The following SDK1 variants were observed in gnomAD, a reference collection of about 807,000 sequenced individuals.
SDK1 encodes sidekick cell adhesion molecule 1.
A neutral mutation model predicts 245.5 loss-of-function variants in SDK1; 157 were observed. That is an observed-to-expected ratio of 0.64 (90% CI 0.56 to 0.73). The LOEUF is 0.73. Ranked by LOEUF, SDK1 falls within the 30% of genes least tolerant of loss-of-function variation. The pLI, the probability that SDK1 is intolerant of heterozygous loss-of-function variation, is 0.00. For synonymous variants in SDK1, 1,647 were observed against 1,278.5 expected, an observed-to-expected ratio of 1.29 and a Z score of -6.15; for missense variants, 3,583 against 3,002.3, an observed-to-expected ratio of 1.19 and a Z score of -4.52.
At chr7:4,011,243 C>A (rs112090181) in intron 15 of SDK1, 130 bp downstream of exon 15, 6 of 1,181,166 alleles carry the variant, frequency 5.1e-6, no homozygotes, top group African/African-American at 3.0e-5. Flanking sequence ...CGGGACAAAC[C>A]GTGAGCAGAA....
At chr7:3,654,373 G>C (rs993096476) in intron 4 of SDK1, among the ~76,000 whole-genome samples, 1 of 152,168 alleles carries the variant, frequency 6.6e-6, no homozygotes, top group Non-Finnish European at 1.5e-5. Context: ...GACTGCTGAT[G>C]AGCTCCCTGT....
chr7:3,851,654 G>T (rs912799695), intron 5 of SDK1, among the ~76,000 whole-genome samples: 2 of 151,842 alleles, frequency 1.3e-5, no homozygotes, highest in East Asian at 1.9e-4. Flanking sequence ...ACTGGCATTG[G>T]GCGGCTTGAT....
intron 22 of SDK1, among the ~76,000 whole-genome samples, chr7:4,101,955 G>A (rs563474276): frequency 6.6e-6 from 1 of 152,184 alleles, no homozygotes; most frequent in South Asian, 2.1e-4. Flanking sequence ...TCAGGATCAG[G>A]GAACAAAGCC....
intron 19 of SDK1, 131 bp downstream of exon 19, chr7:4,051,961 G>C (rs1015034670): frequency 2.7e-6 from 2 of 728,008 alleles, no homozygotes; most frequent in Non-Finnish European, 4.5e-6. Context: ...CTTGCAGTCA[G>C]CTCACCTAGG....
chr7:4,056,261 C>A (rs571333934), intron 19 of SDK1, among the ~76,000 whole-genome samples: 2 of 151,744 alleles, frequency 1.3e-5, no homozygotes, highest in African/African-American at 4.8e-5. Context: ...TCAAATATCA[C>A]ATTAAAAGAC....
At chr7:3,851,582 G>A (rs1192802346) in intron 5 of SDK1, among the ~76,000 whole-genome samples, 1 of 150,596 alleles carries the variant, frequency 6.6e-6, no homozygotes, top group Non-Finnish European at 1.5e-5. Context: ...GAAAAAGCTT[G>A]CCAATCATGC....
intron 4 of SDK1, among the ~76,000 whole-genome samples, chr7:3,664,249 G>A (rs935789910): frequency 5.9e-5 from 9 of 152,072 alleles, no homozygotes; most frequent in African/African-American, 2.2e-4. Context: ...CTCCGTCACT[G>A]GGAGGGTCTT....
At chr7:3,802,121 T>G (rs1779121542) in intron 4 of SDK1, among the ~76,000 whole-genome samples, 2 of 152,186 alleles carry the variant, frequency 1.3e-5, no homozygotes, top group Admixed American at 1.3e-4. Context: ...ATGTTTATAT[T>G]TTATACCACT....
intron 22 of SDK1, among the ~76,000 whole-genome samples, chr7:4,085,380 A>G (rs1307973944): frequency 6.6e-6 from 1 of 152,126 alleles, no homozygotes; most frequent in Non-Finnish European, 1.5e-5. Context: ...AGTTTATAAT[A>G]TATTTAGTTT....
At position 4,265,675 on chromosome 7, in the gene SDK1, C is replaced by G. The variant is rs1788423632; in HGVS notation, c.*291C>G. The G allele has an allele frequency of 1.7e-6, 2 of 1,190,976 alleles. No homozygotes were observed. The highest frequency in any genetic ancestry group is 1.0e-6 in the Non-Finnish European group (1 of 964,992). The allele number at this position is 1,190,976 out of a possible 1,614,324, so 73.8% of individuals were successfully genotyped here. A position where few individuals can be genotyped will look rare whatever the true frequency, so the allele number is the denominator to read the frequency against. On this transcript the variant is annotated 3_prime_UTR_variant, in exon 45 of 45. Transcript: ENST00000404826. ...TTGGCACCTCCGGGGCCTGGGAGGA[C>G]CTCAGACCTCCCCAGCCCTGGGTTT...
chr7:3,898,510 T>C (rs569952766), intron 5 of SDK1, among the ~76,000 whole-genome samples: 2 of 152,324 alleles, frequency 1.3e-5, no homozygotes, highest in South Asian at 2.1e-4. Flanking sequence ...TTCATGCACT[T>C]TGCCCTTTTC....
At chr7:3,554,196 G>A (rs146168449) in intron 1 of SDK1, among the ~76,000 whole-genome samples, 10 of 152,130 alleles carry the variant, frequency 6.6e-5, no homozygotes, top group Admixed American at 1.3e-4. Flanking sequence ...CCAAGACGGC[G>A]CACATCCTGG....
intron 33 of SDK1, among the ~76,000 whole-genome samples, chr7:4,174,570 G>T (rs940928342): frequency 5.3e-5 from 8 of 152,188 alleles, no homozygotes; most frequent in Non-Finnish European, 1.2e-4. Flanking sequence ...AGGCAGAGGG[G>T]CCTTGTCTAC....
chr7:3,408,542 A>G (rs187225684), intron 1 of SDK1, among the ~76,000 whole-genome samples: 104 of 152,340 alleles, frequency 6.8e-4, no homozygotes, highest in African/African-American at 2.3e-3. Context: ...TAATGAAGAA[A>G]TATTTAATAC....
chr7:3,635,323 A>AT (rs1782424057), intron 2 of SDK1, among the ~76,000 whole-genome samples: 1 of 152,188 alleles, frequency 6.6e-6, no homozygotes, highest in South Asian at 2.1e-4. Flanking sequence ...GCTCAAGAAG[A>AT]TTATCAGAGG....
intron 4 of SDK1, among the ~76,000 whole-genome samples, chr7:3,687,196 A>G (rs975682391): frequency 2.7e-5 from 4 of 145,570 alleles, no homozygotes; most frequent in Admixed American, 1.4e-4. Flanking sequence ...TTTTTGAGAT[A>G]GAGTCTCTCT....
intron 1 of SDK1, among the ~76,000 whole-genome samples, chr7:3,303,749 C>T (rs1779342928): frequency 6.6e-6 from 1 of 152,024 alleles, no homozygotes; most frequent in Middle Eastern, 3.2e-3. Context: ...GTAATATATC[C>T]ATCTTTTTTT....
Position 3,954,276 on chromosome 7 carries a change from G to A in SDK1, c.1150+2356G>A, listed in dbSNP as rs1166661662. ...CCTCCCCTCTACACCCTCCTCTCCC[G>A]CATCACCTCTACACTCTACAGCCTC... On this transcript the variant is annotated intron_variant, in intron 7 of 44. Transcript: ENST00000404826. 6.4e-4 allele frequency among the ~76,000 whole-genome samples: 6 copies of A among 9,352 alleles called. 2 individuals carry two copies. Among genetic ancestry groups the A allele is most frequent in the Non-Finnish European group, 1.2e-3 (6 of 5,056 alleles). The allele number at this position is 9,352 out of a possible 152,430, so 6.1% of individuals were successfully genotyped here. A position where few individuals can be genotyped will look rare whatever the true frequency, so the allele number is the denominator to read the frequency against.
At chr7:3,619,762 C>T (rs1365923365) in intron 2 of SDK1, among the ~76,000 whole-genome samples, 5 of 152,182 alleles carry the variant, frequency 3.3e-5, no homozygotes, top group Admixed American at 1.3e-4. Context: ...TGAAGTCCTG[C>T]CATGTGCCCA....
Sources: gnomAD v4.1 joint callset for allele counts (sites outside exome capture counted in the v4.1 genomes callset) on GRCh38, gnomAD v4.1.1 for gene constraint, MANE v1.5 for transcripts, NCBI Gene and HGNC (gene_info 2026-07-23, HGNC 2026-07-21) for gene names.